The following RNF169 variants were observed in gnomAD, a reference collection of about 807,000 sequenced individuals.
RNF169 encodes ring finger protein 169.
A neutral mutation model predicts 53.9 loss-of-function variants in RNF169; 24 were observed. That is an observed-to-expected ratio of 0.45 (90% confidence interval 0.32 to 0.63). The LOEUF is 0.63. Ranked by LOEUF, RNF169 falls within the 20% of genes least tolerant of loss-of-function variation. RNF169 has a pLI of 0.04. For synonymous variants in RNF169, 396 were observed against 363.5 expected (o/e 1.09, Z -1.02); for missense variants, 883 against 906.2 (o/e 0.97, Z 0.33).
chr11:74,781,134 A>G (rs1411773597), intron 1 of RNF169, among the ~76,000 whole-genome samples: 3 of 152,260 alleles, frequency 2.0e-5, no homozygotes, highest in African/African-American at 7.2e-5. Context: ...TGATCTTTCA[A>G]GGAAGATAGG....
At chr11:74,802,590 C>T (rs1372206084) in intron 2 of RNF169, among the ~76,000 whole-genome samples, 1 of 152,128 alleles carries the variant, frequency 6.6e-6, no homozygotes, top group Non-Finnish European at 1.5e-5. Flanking sequence ...TTGCAGTGAG[C>T]CAAGATCATG....
chr11:74,765,766 C>T (rs2035163824), intron 1 of RNF169, among the ~76,000 whole-genome samples: 1 of 150,706 alleles, frequency 6.6e-6, no homozygotes, highest in Non-Finnish European at 1.5e-5. Context: ...TGCGCCATTG[C>T]ACTCCAGCCT....
At chr11:74,815,654 G>T (rs1219670174) in intron 3 of RNF169, among the ~76,000 whole-genome samples, 3 of 152,102 alleles carry the variant, frequency 2.0e-5, no homozygotes, top group Non-Finnish European at 4.4e-5. Context: ...CTATCTTTTT[G>T]AGCACTTATT....
At chr11:74,831,153 G>C (rs1010416914) in intron 4 of RNF169, 1 of 152,110 alleles carries the variant, frequency 6.6e-6, no homozygotes, top group Non-Finnish European at 1.5e-5. Context: ...CTAGCCAGAA[G>C]AATTGGGCAA....
rs1231384236 is a variant in RNF169, at chr11:74,840,989, G to C, written c.*4259G>C. 2 of 151,928 alleles carry C rather than the reference G, an allele frequency of 1.3e-5. No individual in the cohort carries two copies. The highest frequency in any genetic ancestry group is 4.8e-5 in the African/African-American group (2 of 41,328). 9.4% of individuals were successfully genotyped at this position (151,928 alleles called of 1,614,324 possible). A position where few individuals can be genotyped will look rare whatever the true frequency, so the allele number is the denominator to read the frequency against. The stretch of plus-strand genomic sequence containing the variant: ...CTTCCTGATTTTTTTCAGTTAGTTA[G>C]AGTTAAATGTACCTATAGCCCCTGA... On this transcript the variant is annotated 3_prime_UTR_variant, in exon 6 of 6. Transcript: ENST00000299563.
At chr11:74,822,227 G>A (rs149258222) in intron 4 of RNF169, among the ~76,000 whole-genome samples, 75 of 152,268 alleles carry the variant, frequency 4.9e-4, no homozygotes, top group African/African-American at 1.8e-3. Context: ...GCAAGCAATT[G>A]AGCGCATAAG....
chr11:74,753,125 C>T (rs1337999190), intron 1 of RNF169, among the ~76,000 whole-genome samples: 3 of 152,242 alleles, frequency 2.0e-5, no homozygotes, highest in East Asian at 3.9e-4. Context: ...TGCGCCACCA[C>T]GCCCGGCTAA....
intron 2 of RNF169, among the ~76,000 whole-genome samples, chr11:74,798,067 C>T (rs948624986): frequency 6.6e-5 from 10 of 152,060 alleles, no homozygotes; most frequent in Non-Finnish European, 1.2e-4. Flanking sequence ...GGATGTATGT[C>T]GCCTCAGGAC....
In RNF169 at chr11:74,842,152, GA is replaced by G. The variant is rs1333620397; in HGVS notation, c.*5424del. ...ACCTGCTGTCTGCTTTAGGATTGGA[GA>G]AGGTACCTGGATCCTTGTGGACTGC... On this transcript the variant is annotated 3_prime_UTR_variant, in exon 6 of 6. Coordinates refer to ENST00000299563, the MANE Select transcript of RNF169 (RefSeq NM_001098638.2). The G allele has an allele frequency of 6.6e-6, 1 of 152,192 alleles. No homozygotes were observed. The highest frequency in any genetic ancestry group is 1.5e-5 in the Non-Finnish European group (1 of 68,042). 9.4% of individuals were successfully genotyped at this position (152,192 alleles called of 1,614,324 possible).
intron 2 of RNF169, chr11:74,807,789 C>T: frequency 6.6e-6 from 1 of 152,136 alleles, no homozygotes; most frequent in East Asian, 1.9e-4. Flanking sequence ...CTCACCCTCC[C>T]TTAGTCTTTT....
intron 1 of RNF169, among the ~76,000 whole-genome samples, chr11:74,753,525 G>C (rs1291773984): frequency 6.6e-6 from 1 of 152,086 alleles, no homozygotes; most frequent in Non-Finnish European, 1.5e-5. Flanking sequence ...AGTAATTATG[G>C]TTTTTGCCAT....
At chr11:74,815,141 A>AT (rs1347238993) in intron 3 of RNF169, among the ~76,000 whole-genome samples, 1 of 152,042 alleles carries the variant, frequency 6.6e-6, no homozygotes, top group Non-Finnish European at 1.5e-5. Context: ...CTTGGGGCTT[A>AT]TTTTTATCAA....
intron 1 of RNF169, among the ~76,000 whole-genome samples, chr11:74,780,893 CA>C (rs1161647050): frequency 6.6e-6 from 1 of 152,164 alleles, no homozygotes; most frequent in Non-Finnish European, 1.5e-5. Flanking sequence ...ACTGAGGATA[CA>C]AAAATTGTAG....
chr11:74,765,692 C>T (rs986755218), intron 1 of RNF169, among the ~76,000 whole-genome samples: 2 of 151,626 alleles, frequency 1.3e-5, no homozygotes, highest in Non-Finnish European at 2.9e-5. Flanking sequence ...ATCCCAGCTA[C>T]TTGGGAGGCT....
intron 4 of RNF169, chr11:74,831,209 C>T (rs2036172736): frequency 6.6e-6 from 1 of 152,150 alleles, no homozygotes; most frequent in South Asian, 2.1e-4. Flanking sequence ...GTAAGACTAT[C>T]TCTGTTTACA....
chr11:74,802,279 GCATGGAACAGTCAC>G (rs2035741543), intron 2 of RNF169, among the ~76,000 whole-genome samples: 1 of 152,298 alleles, frequency 6.6e-6, no homozygotes, highest in Non-Finnish European at 1.5e-5. Context: ...TCATCACAAA[GCATGGAACAGTCAC>G]CACAATAGGT....
intron 2 of RNF169, among the ~76,000 whole-genome samples, chr11:74,799,103 C>T (rs1238851040): frequency 1.5e-5 from 2 of 133,878 alleles, no homozygotes; most frequent in Non-Finnish European, 3.2e-5. Flanking sequence ...TTTTTTGCTA[C>T]ACTATTGCTA....
At chr11:74,750,496 C>T (rs1264914158) in intron 1 of RNF169, among the ~76,000 whole-genome samples, 2 of 151,678 alleles carry the variant, frequency 1.3e-5, no homozygotes, top group African/African-American at 2.4e-5. Flanking sequence ...GCCAGAGACA[C>T]CTGTCACTGT....
rs1465490247 is a variant in RNF169 at position 74,838,744 on chromosome 11, T to A, written c.*2014T>A. The A allele has an allele frequency of 6.6e-6, 1 of 152,234 alleles. No homozygotes were observed. The highest frequency in any genetic ancestry group is 1.5e-5 in the Non-Finnish European group (1 of 68,038). 9.4% of individuals were successfully genotyped at this position (152,234 alleles called of 1,614,324 possible). On this transcript the variant is annotated 3_prime_UTR_variant, in exon 6 of 6. Transcript: ENST00000299563. Reference sequence around the variant, plus strand: ...GTCCTCCAAGAGCTGCTGGAGGGCATGTTTGTGCCCAAAACAGAAGAGCTG... The same window carrying A: ...GTCCTCCAAGAGCTGCTGGAGGGCAAGTTTGTGCCCAAAACAGAAGAGCTG...
Sources: allele counts gnomAD v4.1 joint callset (sites outside exome capture counted in the v4.1 genomes callset), GRCh38; gene constraint gnomAD v4.1.1; transcripts MANE v1.5; gene names NCBI Gene and HGNC (gene_info 2026-07-23, HGNC 2026-07-21).